The following NBDY variants were observed in gnomAD, a reference collection of about 807,000 sequenced individuals.
NBDY encodes P-body dissociating protein.
chrX:56,811,965 A>G (rs2069889404), intron 2 of NBDY, among the ~76,000 whole-genome samples: 1 of 111,224 alleles, frequency 9.0e-6, no homozygotes, highest in South Asian at 3.9e-4. Flanking sequence ...GCTGGAGTGC[A>G]TGGTATAGTC....
At chrX:56,765,812 C>T (rs2069662763) in intron 2 of NBDY, among the ~76,000 whole-genome samples, 1 of 109,953 alleles carries the variant, frequency 9.1e-6, no homozygotes. Flanking sequence ...GCACTTCCTT[C>T]TCCTTTGCCT....
At chrX:56,752,469 G>T (rs2069590730) in intron 2 of NBDY, among the ~76,000 whole-genome samples, 1 of 110,765 alleles carries the variant, frequency 9.0e-6, no homozygotes, top group East Asian at 2.8e-4. Flanking sequence ...TTGTCAGATA[G>T]GTTTTTATTT....
chrX:56,766,945 G>A (rs1227122516), intron 2 of NBDY, among the ~76,000 whole-genome samples: 2 of 112,564 alleles, frequency 1.8e-5, no homozygotes, highest in African/African-American at 6.5e-5. Flanking sequence ...CGCTGAGGGA[G>A]ACTCCTGCCT....
At chrX:56,796,574 T>G (rs2069792718) in intron 2 of NBDY, among the ~76,000 whole-genome samples, 1 of 111,692 alleles carries the variant, frequency 9.0e-6, no homozygotes, top group African/African-American at 3.3e-5. Flanking sequence ...TGATTGGCAT[T>G]TCCCTTTCCT....
At chrX:56,805,593 G>A (rs1007322982) in intron 2 of NBDY, among the ~76,000 whole-genome samples, 4 of 111,834 alleles carry the variant, frequency 3.6e-5, no homozygotes, top group Admixed American at 1.9e-4. Context: ...GGTGGTGGGG[G>A]CAGTGGGGAC....
intron 2 of NBDY, among the ~76,000 whole-genome samples, chrX:56,807,456 G>A (rs192811646): frequency 8.9e-6 from 1 of 111,799 alleles, no homozygotes; most frequent in East Asian, 2.8e-4. Context: ...AGCATGGAAT[G>A]TCCTTCCATT....
chrX:56,730,546 A>G (rs1020424496), intron 1 of NBDY, among the ~76,000 whole-genome samples: 4 of 100,698 alleles, frequency 4.0e-5, no homozygotes, highest in African/African-American at 1.4e-4. Context: ...AAAAAAAAAA[A>G]GGAAGGAGGA....
At chrX:56,764,777 G>C (rs1191964473) in intron 2 of NBDY, among the ~76,000 whole-genome samples, 1 of 108,379 alleles carries the variant, frequency 9.2e-6, no homozygotes, top group Non-Finnish European at 1.9e-5. Context: ...CATCTATGTG[G>C]TCACTTTGGG....
At chrX:56,765,559 G>A (rs2069661188) in intron 2 of NBDY, among the ~76,000 whole-genome samples, 1 of 111,639 alleles carries the variant, frequency 9.0e-6, no homozygotes, top group African/African-American at 3.3e-5. Context: ...CTCGTTGTAT[G>A]TCACCACGCG....
At chrX:56,801,827 G>A (rs2069823872) in intron 2 of NBDY, among the ~76,000 whole-genome samples, 1 of 110,780 alleles carries the variant, frequency 9.0e-6, no homozygotes, top group African/African-American at 3.3e-5. Context: ...ACACAGGCAG[G>A]CACCCAGAGA....
rs1426883326 is a variant in NBDY at position 56,786,310 on chromosome X, G to A, written c.*167-31010G>A. Among the ~76,000 whole-genome samples, 3 of 111,102 alleles carry A rather than the reference G, an allele frequency of 2.7e-5. 1 individual carries two copies. Among genetic ancestry groups the A allele is most frequent in the Non-Finnish European group, 5.7e-5 (3 of 53,045 alleles). The stretch of plus-strand genomic sequence containing the variant: ...CACTCAGGAGAGATCCCATTGACAA[G>A]AAGCTTCCTAGTTGTTTGTCCTTTA... On this transcript the variant is annotated intron_variant, in intron 2 of 2. Transcript: ENST00000374922.
At chrX:56,798,182 C>G (rs1013819741) in intron 2 of NBDY, among the ~76,000 whole-genome samples, 2 of 112,301 alleles carry the variant, frequency 1.8e-5, no homozygotes, top group Non-Finnish European at 3.8e-5. Flanking sequence ...GGCTTTCTCC[C>G]AAAAATGAAT....
chrX:56,788,573 C>T (rs1196944899), intron 2 of NBDY, among the ~76,000 whole-genome samples: 3 of 111,834 alleles, frequency 2.7e-5, no homozygotes, highest in Non-Finnish European at 3.8e-5. Flanking sequence ...TTTCCAGGAA[C>T]TGCCGGGCAT....
intron 2 of NBDY, among the ~76,000 whole-genome samples, chrX:56,741,232 A>G (rs908383920): frequency 1.8e-5 from 2 of 111,569 alleles, no homozygotes; most frequent in Non-Finnish European, 3.8e-5. Context: ...TTCTTCGTTC[A>G]TGTATCTGTT....
At chrX:56,736,277 TC>T (rs2069491022) in intron 2 of NBDY, among the ~76,000 whole-genome samples, 1 of 112,185 alleles carries the variant, frequency 8.9e-6, no homozygotes, top group African/African-American at 3.2e-5. Context: ...TCTATTTTTT[TC>T]TTTTTTTTGA....
At chrX:56,745,163 A>G (rs1279596264) in intron 2 of NBDY, among the ~76,000 whole-genome samples, 2 of 111,687 alleles carry the variant, frequency 1.8e-5, no homozygotes, top group Admixed American at 1.9e-4. Flanking sequence ...ATGGGCGGGT[A>G]AGGAATACAG....
chrX:56,816,200 G>C (rs1490347790), intron 2 of NBDY, among the ~76,000 whole-genome samples: 1 of 110,103 alleles, frequency 9.1e-6, no homozygotes, highest in Non-Finnish European at 1.9e-5. Context: ...CAAAGAACAG[G>C]CAATTCATAG....
chrX:56,818,525 C>G lies in NBDY; in HGVS notation c.*1372C>G, dbSNP rs2069920725. 1 of 112,060 alleles carries G rather than the reference C, an allele frequency of 8.9e-6. No individual in the cohort carries two copies. 9.2% of individuals were successfully genotyped at this position (112,060 alleles called of 1,213,427 possible). A position where few individuals can be genotyped will look rare whatever the true frequency, so the allele number is the denominator to read the frequency against. On this transcript the variant is annotated 3_prime_UTR_variant, in exon 3 of 3. Transcript: ENST00000374922. ...TCTGAGCCAGGCTGAACATCACAAA[C>G]AGTAAACACAGACTTCTTTAAAAGG... is the stretch of plus-strand genomic sequence containing the variant.
At chrX:56,749,680 C>G (rs2069574441) in intron 2 of NBDY, among the ~76,000 whole-genome samples, 1 of 102,056 alleles carries the variant, frequency 9.8e-6, no homozygotes, top group Non-Finnish European at 2.0e-5. Context: ...GAGACAGGGT[C>G]TCACTCTGAC....
Sources: allele counts gnomAD v4.1 joint callset (sites outside exome capture counted in the v4.1 genomes callset), GRCh38; gene constraint gnomAD v4.1.1; transcripts MANE v1.5; gene names NCBI Gene and HGNC (gene_info 2026-07-23, HGNC 2026-07-21).